NALCN: variants seen among roughly 807,000 people sequenced by gnomAD.
NALCN encodes sodium leak channel, non-selective, also known as sodium leak channel NALCN.
NALCN carries 111 observed loss-of-function variants against 225.3 expected under a neutral mutation model. That is an observed-to-expected ratio of 0.49 (90% CI 0.42 to 0.58). The LOEUF (loss-of-function observed/expected upper bound fraction) is 0.58, where lower values mean the gene tolerates loss of function less well. NALCN is among the 20% of genes least tolerant of loss of function. The pLI is 0.00. For missense variants in NALCN, 1,378 were observed against 2,202.4 expected (o/e 0.63, Z 7.49); for synonymous variants, 764 against 769.0 (o/e 0.99, Z 0.11).
At chr13:101,139,843 T>A (rs535152923) in intron 17 of NALCN, among the ~76,000 whole-genome samples, 216 of 152,344 alleles carry the variant, frequency 1.4e-3, no homozygotes, top group Non-Finnish European at 2.4e-3. Context: ...GTATTCATAA[T>A]ACAAATGCCA....
intron 14 of NALCN, among the ~76,000 whole-genome samples, chr13:101,189,603 C>G (rs561751253): frequency 6.6e-6 from 1 of 152,304 alleles, no homozygotes; most frequent in South Asian, 2.1e-4. Context: ...GAGTGACCAG[C>G]AGAGCTAGAA....
intron 18 of NALCN, chr13:101,116,517 C>T (rs563078971): frequency 5.4e-5 from 28 of 516,664 alleles, no homozygotes; most frequent in South Asian, 2.1e-4. Context: ...AGGGGGTCCC[C>T]GGTTCTTTTC....
At chr13:101,183,180 T>C (rs2039309200) in intron 14 of NALCN, among the ~76,000 whole-genome samples, 1 of 152,230 alleles carries the variant, frequency 6.6e-6, no homozygotes, top group Non-Finnish European at 1.5e-5. Context: ...ATTACAGCGA[T>C]GTCTGCATAT....
At chr13:101,320,258 C>T (rs866771874) in intron 7 of NALCN, among the ~76,000 whole-genome samples, 4 of 152,206 alleles carry the variant, frequency 2.6e-5, no homozygotes, top group African/African-American at 7.2e-5. Context: ...CCTCAAATTA[C>T]AACTCACTAA....
At chr13:101,270,653 A>C (rs890891486) in intron 10 of NALCN, among the ~76,000 whole-genome samples, 1 of 152,224 alleles carries the variant, frequency 6.6e-6, no homozygotes, top group Non-Finnish European at 1.5e-5. Context: ...CGAAGGACTG[A>C]ACTGCCTGAT....
intron 9 of NALCN, 22 bp downstream of exon 9, chr13:101,291,968 C>T (rs749055416): frequency 1.8e-5 from 29 of 1,612,072 alleles, no homozygotes; most frequent in Non-Finnish European, 2.4e-5. Flanking sequence ...TGGGTTATAA[C>T]ATCCTCTTGC....
intron 15 of NALCN, among the ~76,000 whole-genome samples, chr13:101,160,398 G>C (rs937784699): frequency 6.6e-6 from 1 of 152,258 alleles, no homozygotes; most frequent in South Asian, 2.1e-4. Context: ...ATATGAAGGT[G>C]TAACTGACCA....
In NALCN at chr13:101,094,320, T is replaced by C. The variant is rs541247902; in HGVS notation, c.3269+1254A>G. 1.1e-4 allele frequency among the ~76,000 whole-genome samples: 17 copies of C among 152,232 alleles called. No homozygotes were observed. The East Asian group carries it at 2.7e-3, about 24-fold the overall frequency. On this transcript the variant is annotated intron_variant, in intron 28 of 43. Coordinates refer to ENST00000251127, the MANE Select transcript of NALCN (RefSeq NM_052867.4). ...TTCTTGCCCTGCCCATCTCTGACGT[T>C]AAGTGATCCCCCTGGGGTACCTCAC...
At chr13:101,076,726 C>T (rs1034700806) in intron 34 of NALCN, among the ~76,000 whole-genome samples, 15 of 152,150 alleles carry the variant, frequency 9.9e-5, no homozygotes, top group African/African-American at 3.4e-4. Context: ...CTGCAAAATA[C>T]GGTGGAGAAT....
intron 2 of NALCN, among the ~76,000 whole-genome samples, chr13:101,398,542 C>T (rs577567578): frequency 3.3e-5 from 5 of 152,174 alleles, no homozygotes; most frequent in Non-Finnish European, 7.4e-5. Context: ...CTTAATTAGG[C>T]GGTGAAGGTG....
Position 101,399,135 on chromosome 13 carries a change from TAGCTTTGGTGAGCA to T in NALCN, c.-23_-10del. ...TGCTTCCTTTTGAGCATGCTGAGGT[TAGCTTTGGTGAGCA>T]AGCACAAAACCACAGTCTGGGAAAA... On this transcript the variant is annotated 5_prime_UTR_variant, in exon 2 of 44. The change abolishes the stop of an existing upstream ORF in the 5' untranslated region. Coordinates refer to ENST00000251127, the MANE Select transcript of NALCN (RefSeq NM_052867.4). 1 of 1,613,014 alleles carries T rather than the reference TAGCTTTGGTGAGCA, an allele frequency of 6.2e-7. No individual in the cohort carries two copies. Among genetic ancestry groups the T allele is most frequent in the African/African-American group, 1.3e-5 (1 of 74,992 alleles).
chr13:101,214,537 G>GAA (rs1194221720), intron 13 of NALCN, among the ~76,000 whole-genome samples: 12 of 151,922 alleles, frequency 7.9e-5, no homozygotes, highest in Admixed American at 5.9e-4. Flanking sequence ...ATCCTGTATG[G>GAA]AAAAAAATGA....
rs371761193 is a variant in NALCN, at chr13:101,089,612, G to T, written c.3489+51C>A. On this transcript the variant is annotated intron_variant, in intron 30 of 43. Coordinates refer to ENST00000251127, the MANE Select transcript of NALCN (RefSeq NM_052867.4). This position sits in a 1 kb window ranked among gnomAD's most constrained non-coding sequence, Gnocchi z 4.7. ...TGAAAAGAAACAAATAGCTCAAAGTGAGTGGCTAGAAAAGGCTAAACCCTG... is the reference window on the plus strand; with the variant it reads ...TGAAAAGAAACAAATAGCTCAAAGTTAGTGGCTAGAAAAGGCTAAACCCTG... 507 of 1,518,084 alleles carry T rather than the reference G, an allele frequency of 3.3e-4. 2 individuals carry two copies. In the Middle Eastern group the frequency reaches 3.7e-3, roughly 11 times the overall value. The allele number at this position is 1,518,084 out of a possible 1,614,324, so 94.0% of individuals were successfully genotyped here. A position where few individuals can be genotyped will look rare whatever the true frequency, so the allele number is the denominator to read the frequency against.
intron 7 of NALCN, among the ~76,000 whole-genome samples, chr13:101,298,631 C>T (rs1285990523): frequency 6.6e-6 from 1 of 152,128 alleles, no homozygotes; most frequent in Non-Finnish European, 1.5e-5. Context: ...AACTGCAGAA[C>T]TAATGAAAAA....
intron 42 of NALCN, chr13:101,058,436 GTC>G: frequency 1.2e-5 from 2 of 162,540 alleles, no homozygotes; most frequent in South Asian, 1.6e-4. Flanking sequence ...GCAGTCTACT[GTC>G]ACCAGCCTGG....
At chr13:101,150,053 T>C (rs1221325839) in intron 15 of NALCN, among the ~76,000 whole-genome samples, 1 of 150,198 alleles carries the variant, frequency 6.7e-6, no homozygotes, top group Non-Finnish European at 1.5e-5. Context: ...TGGGTTTATT[T>C]AAATATTTGA....
chr13:101,389,803 C>T (rs1440595690), intron 3 of NALCN, among the ~76,000 whole-genome samples: 1 of 152,184 alleles, frequency 6.6e-6, no homozygotes, highest in Non-Finnish European at 1.5e-5. Flanking sequence ...ATACATAGGC[C>T]GGGCATGGTG....
chr13:101,081,798 A>T, intron 33 of NALCN, 152 bp from the exon 34 acceptor site: 1 of 1,076,018 alleles, frequency 9.3e-7, no homozygotes, highest in Non-Finnish European at 1.3e-6. Context: ...TCCATTGAAA[A>T]TGAGACAAAC....
chr13:101,213,624 G>A (rs1192143138), intron 13 of NALCN, among the ~76,000 whole-genome samples: 2 of 152,158 alleles, frequency 1.3e-5, no homozygotes, highest in African/African-American at 2.4e-5. Flanking sequence ...CCTTCAAAAA[G>A]TGGGCGAAGG....
Sources: allele counts gnomAD v4.1 joint callset (sites outside exome capture counted in the v4.1 genomes callset), GRCh38; gene constraint gnomAD v4.1.1; non-coding constraint Gnocchi (gnomAD v3.1); transcripts MANE v1.5; gene names NCBI Gene and HGNC (gene_info 2026-07-23, HGNC 2026-07-21).